The following LYPD6 variants were observed in gnomAD, a reference collection of about 807,000 sequenced individuals.
LYPD6 encodes the protein LY6/PLAUR domain containing 6, also known as ly6/PLAUR domain-containing protein 6.
In LYPD6, 15 loss-of-function variants were observed where a neutral mutation model predicts 22.7. That is an observed-to-expected ratio of 0.66 (90% CI 0.44 to 1.02). The LOEUF (loss-of-function observed/expected upper bound fraction) is 1.02, where lower values mean the gene tolerates loss of function less well. Ranked by LOEUF, LYPD6 falls within the 50% of genes least tolerant of loss-of-function variation. The pLI is 0.00. For synonymous variants in LYPD6, 72 were observed against 77.5 expected (o/e 0.93, Z 0.37); for missense variants, 189 against 208.4 (o/e 0.91, Z 0.57).
At chr2:149,353,448 T>A (rs1442564434) in intron 1 of LYPD6, among the ~76,000 whole-genome samples, 1 of 152,228 alleles carries the variant, frequency 6.6e-6, no homozygotes, top group East Asian at 1.9e-4. Context: ...CTTTAAAAGT[T>A]GTTTTGTCAA....
intron 1 of LYPD6, among the ~76,000 whole-genome samples, chr2:149,433,936 G>T (rs1683373803): frequency 6.6e-6 from 1 of 152,130 alleles, no homozygotes; most frequent in Non-Finnish European, 1.5e-5. Context: ...GTGGAATCAT[G>T]ATATATTGTG....
chr2:149,381,982 A>G (rs1179502904), intron 1 of LYPD6, among the ~76,000 whole-genome samples: 1 of 152,170 alleles, frequency 6.6e-6, no homozygotes, highest in Admixed American at 6.5e-5. Flanking sequence ...TGCTCTGAAT[A>G]GTCCTAGAGA....
At chr2:149,349,116 G>A (rs1681314256) in intron 1 of LYPD6, among the ~76,000 whole-genome samples, 1 of 152,022 alleles carries the variant, frequency 6.6e-6, no homozygotes, top group Non-Finnish European at 1.5e-5. Context: ...ACACCTATTA[G>A]GCTTCTAAAT....
chr2:149,464,697 G>A (rs2105178429), intron 3 of LYPD6, among the ~76,000 whole-genome samples: 1 of 152,240 alleles, frequency 6.6e-6, no homozygotes, highest in South Asian at 2.1e-4. Flanking sequence ...ATGCTTTTGT[G>A]CGTGGCGGGT....
rs1439918828 is a variant in LYPD6 at position 149,473,675 on chromosome 2, AC to A, written c.*2828del. On this transcript the variant is annotated 3_prime_UTR_variant, in exon 5 of 5. Coordinates refer to ENST00000334166, the MANE Select transcript of LYPD6 (RefSeq NM_194317.5). ...GCACATGTCAATCAATGATTAATGCACCCAGGTTATGTACAAGGCACTGGGC... is the reference window on the plus strand; with the variant it reads ...GCACATGTCAATCAATGATTAATGCACCAGGTTATGTACAAGGCACTGGGC... 6.6e-6 allele frequency: 1 copy of A among 152,198 alleles called. No individual in the cohort carries two copies. Among genetic ancestry groups the A allele is most frequent in the Non-Finnish European group, 1.5e-5 (1 of 68,040 alleles). The allele number at this position is 152,198 out of a possible 1,614,324, so 9.4% of individuals were successfully genotyped here.
intron 1 of LYPD6, among the ~76,000 whole-genome samples, chr2:149,403,192 T>A (rs1465524407): frequency 6.6e-6 from 1 of 152,094 alleles, no homozygotes; most frequent in Non-Finnish European, 1.5e-5. Flanking sequence ...AGTAAACATA[T>A]GTGTGCATGT....
chr2:149,353,227 GTTATT>G (rs1416224443), intron 1 of LYPD6, among the ~76,000 whole-genome samples: 4 of 152,284 alleles, frequency 2.6e-5, no homozygotes, highest in East Asian at 1.9e-4. Flanking sequence ...GTTTTACAGA[GTTATT>G]TTATTTTAAG....
At chr2:149,343,092 C>T (rs1681191788) in intron 1 of LYPD6, among the ~76,000 whole-genome samples, 1 of 152,128 alleles carries the variant, frequency 6.6e-6, no homozygotes, top group Admixed American at 6.5e-5. Context: ...TCAGCTAGGA[C>T]ATGCAAATTC....
intron 1 of LYPD6, among the ~76,000 whole-genome samples, chr2:149,342,301 C>T (rs749001797): frequency 6.6e-6 from 1 of 152,150 alleles, no homozygotes; most frequent in Admixed American, 6.5e-5. Context: ...GGATGGGATA[C>T]AACACCCAAA....
At chr2:149,343,804 C>A (rs1373190663) in intron 1 of LYPD6, among the ~76,000 whole-genome samples, 1 of 152,050 alleles carries the variant, frequency 6.6e-6, no homozygotes, top group African/African-American at 2.4e-5. Flanking sequence ...CTTCTTTGAA[C>A]TTCAGTTTCC....
At chr2:149,343,459 G>A (rs188912035) in intron 1 of LYPD6, among the ~76,000 whole-genome samples, 1 of 152,248 alleles carries the variant, frequency 6.6e-6, no homozygotes, top group Admixed American at 6.5e-5. Flanking sequence ...GCCACTCCCA[G>A]CTTCAAAGCC....
chr2:149,351,137 G>A (rs143303527), intron 1 of LYPD6, among the ~76,000 whole-genome samples: 2,676 of 152,274 alleles, frequency 0.018, 67 homozygotes, highest in African/African-American at 0.058. Context: ...GCTCACGCCT[G>A]TAATCCCAGC....
At chr2:149,379,085 T>G (rs1682001112) in intron 1 of LYPD6, among the ~76,000 whole-genome samples, 1 of 152,226 alleles carries the variant, frequency 6.6e-6, no homozygotes, top group Non-Finnish European at 1.5e-5. Context: ...TGAATAATTC[T>G]TCAGCACTAT....
intron 1 of LYPD6, among the ~76,000 whole-genome samples, chr2:149,400,066 T>C (rs951066198): frequency 6.6e-6 from 1 of 152,218 alleles, no homozygotes; most frequent in Non-Finnish European, 1.5e-5. Flanking sequence ...AGCTGGGTCC[T>C]TCCCAGCACA....
rs1338323196 is a variant in LYPD6 at position 149,449,111 on chromosome 2, T to C, written c.181T>C (p.Cys61Arg). The C allele has an allele frequency of 1.2e-6, 2 of 1,613,342 alleles. No individual in the cohort carries two copies. The highest frequency in any genetic ancestry group is 1.3e-5 in the African/African-American group (1 of 74,890). Residue 61 changes from cysteine (C) to arginine (R), a missense_variant, in exon 3 of 5, where the codon TGC (cysteine) becomes CGC (arginine). Transcript: ENST00000334166. Reference sequence around the variant, plus strand: ...TGAAAAGGCAGCAGACAATTATGAGTGCAACCGATGGGCTCCAGACATCTA... The same window carrying C: ...TGAAAAGGCAGCAGACAATTATGAGCGCAACCGATGGGCTCCAGACATCTA... ...TCEKAADNYE[C>R]NRWAPDIYCP...
At chr2:149,411,123 G>T (rs1461224143) in intron 1 of LYPD6, among the ~76,000 whole-genome samples, 1 of 152,144 alleles carries the variant, frequency 6.6e-6, no homozygotes, top group Non-Finnish European at 1.5e-5. Context: ...TAGAAATGTA[G>T]TCTCAAGCTC....
intron 1 of LYPD6, among the ~76,000 whole-genome samples, chr2:149,396,552 C>G (rs1270444670): frequency 6.6e-6 from 1 of 152,160 alleles, no homozygotes; most frequent in Non-Finnish European, 1.5e-5. Context: ...ATACCCTTCT[C>G]ACCACTCTTT....
chr2:149,443,585 TTAAG>T (rs1290283413), intron 2 of LYPD6, among the ~76,000 whole-genome samples: 5 of 152,230 alleles, frequency 3.3e-5, no homozygotes, highest in Non-Finnish European at 5.9e-5. Context: ...TGTTTATATA[TTAAG>T]TATTTTAAAC....
At chr2:149,364,516 C>G (rs1000544529) in intron 1 of LYPD6, among the ~76,000 whole-genome samples, 5 of 151,074 alleles carry the variant, frequency 3.3e-5, no homozygotes, top group Non-Finnish European at 7.4e-5. Flanking sequence ...CAGATATTCC[C>G]GCCCATGACA....
Sources: gnomAD v4.1 joint callset for allele counts (sites outside exome capture counted in the v4.1 genomes callset) on GRCh38, gnomAD v4.1.1 for gene constraint, MANE v1.5 for transcripts, NCBI Gene and HGNC (gene_info 2026-07-23, HGNC 2026-07-21) for gene names.